Variants in SLC39A12 observed in about 807,000 individuals in gnomAD.
SLC39A12 encodes zinc transporter ZIP12.
A neutral mutation model predicts 71.1 loss-of-function variants in SLC39A12; 63 were observed. The observed-to-expected ratio is 0.89, with a 90% confidence interval of 0.72 to 1.09. SLC39A12 has a LOEUF of 1.09. Ranked by LOEUF, SLC39A12 falls within the 50% of genes least tolerant of loss-of-function variation. The pLI, the probability that SLC39A12 is intolerant of heterozygous loss-of-function variation, is 0.00. For missense variants in SLC39A12, 892 were observed against 812.6 expected (o/e 1.10, Z -1.19); for synonymous variants, 351 against 301.3 (o/e 1.16, Z -1.71).
intron 2 of SLC39A12, among the ~76,000 whole-genome samples, chr10:17,957,071 T>G (rs1834570115): frequency 6.6e-6 from 1 of 152,222 alleles, no homozygotes; most frequent in Admixed American, 6.5e-5. Flanking sequence ...TGTCTTCTTT[T>G]AAGTTCTCAA....
intron 12 of SLC39A12, among the ~76,000 whole-genome samples, chr10:18,040,510 C>T (rs1837192822): frequency 6.6e-6 from 1 of 152,142 alleles, no homozygotes; most frequent in Non-Finnish European, 1.5e-5. Flanking sequence ...TGGCTCATGC[C>T]TGTAATCCCA....
chr10:18,023,269 G>A (rs1266770898), intron 12 of SLC39A12, among the ~76,000 whole-genome samples: 1 of 152,234 alleles, frequency 6.6e-6, no homozygotes, highest in African/African-American at 2.4e-5. Context: ...GATCAGTCCA[G>A]GGTGGAGTGG....
intron 7 of SLC39A12, among the ~76,000 whole-genome samples, chr10:17,989,412 C>CT (rs1197877206): frequency 6.6e-6 from 1 of 152,196 alleles, no homozygotes; most frequent in Non-Finnish European, 1.5e-5. Flanking sequence ...CGGCCCAGGC[C>CT]TTTTTTCTAG....
chr10:18,009,941 A>G (rs572630575), intron 12 of SLC39A12, among the ~76,000 whole-genome samples: 2 of 152,300 alleles, frequency 1.3e-5, no homozygotes, highest in African/African-American at 4.8e-5. Flanking sequence ...AAGAACATGA[A>G]TTGGGTAAAA....
chr10:18,042,801 T>C lies in SLC39A12; in HGVS notation c.2044T>C (p.Leu682=). ...LILGWLSLLL[L]AIYEQNIKI ...CCTAGGTTGGCTTTCTCTCCTGCTCTTGGCTATATATGAGCAAAATATTAA... is the reference window on the plus strand; with the variant it reads ...CCTAGGTTGGCTTTCTCTCCTGCTCCTGGCTATATATGAGCAAAATATTAA... The change falls in exon 13 of 13, where the codon TTG becomes CTG. Residue 682 remains leucine, a synonymous_variant. Transcript: ENST00000377369. 2 of 1,612,554 alleles carry C rather than the reference T, an allele frequency of 1.2e-6. No individual in the cohort carries two copies. Among genetic ancestry groups the C allele is most frequent in the Non-Finnish European group, 1.7e-6 (2 of 1,179,394 alleles).
chr10:18,027,132 T>TTCC (rs1836700976), intron 12 of SLC39A12, among the ~76,000 whole-genome samples: 1 of 152,208 alleles, frequency 6.6e-6, no homozygotes, highest in Non-Finnish European at 1.5e-5. Context: ...AGGCCATTAG[T>TTCC]AATGTGGTAA....
At chr10:18,029,787 T>C (rs1836784608) in intron 12 of SLC39A12, among the ~76,000 whole-genome samples, 2 of 151,304 alleles carry the variant, frequency 1.3e-5, no homozygotes, top group Admixed American at 1.3e-4. Context: ...TTTAAACTCC[T>C]GCCAAAAATT....
At chr10:17,967,022 T>A (rs1484079913) in intron 4 of SLC39A12, among the ~76,000 whole-genome samples, 1 of 152,156 alleles carries the variant, frequency 6.6e-6, no homozygotes, top group Non-Finnish European at 1.5e-5. Flanking sequence ...TTTAAAAAAA[T>A]TATTTTTATT....
intron 6 of SLC39A12, among the ~76,000 whole-genome samples, chr10:17,982,588 T>G (rs912025436): frequency 1.6e-4 from 24 of 152,136 alleles, no homozygotes; most frequent in Non-Finnish European, 3.1e-4. Flanking sequence ...GGCCTAAATA[T>G]CTAAGATTCT....
At chr10:17,989,912 C>T (rs1201303478) in intron 7 of SLC39A12, among the ~76,000 whole-genome samples, 6 of 147,498 alleles carry the variant, frequency 4.1e-5, no homozygotes, top group African/African-American at 1.0e-4. Flanking sequence ...CTCTGTCTCA[C>T]GAAAAAAAAA....
At chr10:18,008,207 C>G (rs990434756) in intron 12 of SLC39A12, among the ~76,000 whole-genome samples, 4 of 152,178 alleles carry the variant, frequency 2.6e-5, no homozygotes, top group Non-Finnish European at 5.9e-5. Context: ...TTCATCTGTA[C>G]TTACAGCCGC....
chr10:17,967,961 T>C (rs1479614556), intron 4 of SLC39A12, among the ~76,000 whole-genome samples: 5 of 150,794 alleles, frequency 3.3e-5, no homozygotes, highest in Admixed American at 6.6e-5. Context: ...GCATTTGTTG[T>C]TATGTTTATA....
At chr10:18,004,480 T>C (rs1219937009) in intron 12 of SLC39A12, 3 of 152,142 alleles carry the variant, frequency 2.0e-5, no homozygotes, top group African/African-American at 7.2e-5. Context: ...AGAACCAGAA[T>C]AGCAGTGCGT....
chr10:18,039,515 C>CCCCGGCATTT (rs1837159290), intron 12 of SLC39A12, among the ~76,000 whole-genome samples: 1 of 152,144 alleles, frequency 6.6e-6, no homozygotes, highest in Non-Finnish European at 1.5e-5. Flanking sequence ...ATCAGTTGAG[C>CCCCGGCATTT]CCCGGCATTT....
chr10:17,999,350 C>CAGTAACTA (rs1450429382), intron 10 of SLC39A12, among the ~76,000 whole-genome samples: 6 of 137,482 alleles, frequency 4.4e-5, no homozygotes, highest in African/African-American at 1.6e-4. Flanking sequence ...CTAACAGTAA[C>CAGTAACTA]AGTAACTACT....
At chr10:18,005,007 A>G (rs1835970820) in intron 12 of SLC39A12, among the ~76,000 whole-genome samples, 1 of 147,490 alleles carries the variant, frequency 6.8e-6, no homozygotes, top group Non-Finnish European at 1.5e-5. Flanking sequence ...TCTCACTTAT[A>G]AGTGGGAGCT....
chr10:18,036,761 TATATATATATATA>T (rs1564665816), intron 12 of SLC39A12, among the ~76,000 whole-genome samples: 9 of 7,258 alleles, frequency 1.2e-3, no homozygotes, highest in African/African-American at 4.8e-3. Flanking sequence ...TATATATATA[TATATATATATATA>T]TATATATATA....
At chr10:18,013,512 C>T (rs888971754) in intron 12 of SLC39A12, among the ~76,000 whole-genome samples, 2 of 151,896 alleles carry the variant, frequency 1.3e-5, no homozygotes, top group African/African-American at 2.4e-5. Context: ...GGACTACAGG[C>T]ACCTGCCACC....
chr10:17,959,218 G>A (rs1396422558), intron 2 of SLC39A12, among the ~76,000 whole-genome samples: 1 of 152,058 alleles, frequency 6.6e-6, no homozygotes, highest in African/African-American at 2.4e-5. Context: ...CTACCAAGGT[G>A]TGGACTTTTC....
Sources: gnomAD v4.1 joint callset for allele counts (sites outside exome capture counted in the v4.1 genomes callset) on GRCh38, gnomAD v4.1.1 for gene constraint, MANE v1.5 for transcripts, NCBI Gene and HGNC (gene_info 2026-07-23, HGNC 2026-07-21) for gene names.